The following TNN variants were observed in gnomAD, a reference collection of about 807,000 sequenced individuals.
The protein encoded by TNN is tenascin-N.
A neutral mutation model predicts 134.4 loss-of-function variants in TNN; 122 were observed. The ratio of observed to expected loss-of-function variants is 0.91; its 90% CI spans 0.78 to 1.06. The LOEUF is 1.06. Among genes scored for constraint, TNN ranks in the 50% least tolerant of loss-of-function variants. TNN has a pLI of 0.00. For missense variants in TNN, 1,739 were observed against 1,699.4 expected (o/e 1.02, Z -0.41); for synonymous variants, 710 against 670.3 (o/e 1.06, Z -0.91).
At chr1:175,135,557 C>G (rs74126915) in intron 15 of TNN, among the ~76,000 whole-genome samples, 9,349 of 152,290 alleles carry the variant, frequency 0.061, 551 homozygotes, top group African/African-American at 0.15. Flanking sequence ...AGACAACCCA[C>G]ACTAGCAACT....
At chr1:175,090,546 T>C (rs79288870) in intron 6 of TNN, among the ~76,000 whole-genome samples, 4,989 of 152,156 alleles carry the variant, frequency 0.033, 110 homozygotes, top group Middle Eastern at 0.095. Context: ...CAGGTGGAAA[T>C]TGTGAGTGGA....
At chr1:175,131,917 T>TACACACAC (rs3028571) in intron 15 of TNN, among the ~76,000 whole-genome samples, 16,980 of 136,206 alleles carry the variant, frequency 0.12, 1,147 homozygotes, top group Non-Finnish European at 0.13. Flanking sequence ...GAAGTATTAT[T>TACACACAC]ACACACACAC....
At chr1:175,102,673 C>T (rs950634195) in intron 9 of TNN, among the ~76,000 whole-genome samples, 3 of 145,914 alleles carry the variant, frequency 2.1e-5, no homozygotes, top group African/African-American at 2.5e-5. Flanking sequence ...GGTTCCCACT[C>T]GCGCCTCTCC....
At chr1:175,097,341 TTGAC>T in intron 7 of TNN, 72 bp from the exon 8 acceptor site, 1 of 1,565,082 alleles carries the variant, frequency 6.4e-7, no homozygotes, top group Non-Finnish European at 8.7e-7. Flanking sequence ...GGTTATCACT[TTGAC>T]TGTGTTCGTG....
intron 6 of TNN, among the ~76,000 whole-genome samples, chr1:175,091,699 G>A (rs984935768): frequency 2.0e-5 from 3 of 151,516 alleles, no homozygotes; most frequent in African/African-American, 7.3e-5. Flanking sequence ...AGCCATTCTC[G>A]TGCCTCAGCC....
Position 175,067,947 on chromosome 1 carries a change from A to T in TNN, c.-36+12A>T, listed in dbSNP as rs764294566. On this transcript the variant is annotated intron_variant, in intron 1 of 18. Coordinates refer to ENST00000239462, the MANE Select transcript of TNN (RefSeq NM_022093.2). ...CAGCAGCCTCCCAGGTAAGAGTGCC[A>T]GTTGCCCAAGCTTTACTTACTGGAG... 1 of 470,250 alleles carries T rather than the reference A, an allele frequency of 2.1e-6. No individual in the cohort carries two copies. 29.1% of individuals were successfully genotyped at this position (470,250 alleles called of 1,614,324 possible).
At chr1:175,134,489 A>G (rs985351518) in intron 15 of TNN, among the ~76,000 whole-genome samples, 46 of 151,434 alleles carry the variant, frequency 3.0e-4, no homozygotes, top group African/African-American at 1.1e-3. Flanking sequence ...AGGTTGCAGT[A>G]AGCCAAGATC....
chr1:175,115,864 ATCT>A (rs1675153622), intron 9 of TNN, among the ~76,000 whole-genome samples: 1 of 152,048 alleles, frequency 6.6e-6, no homozygotes, highest in South Asian at 2.1e-4. Context: ...GGCTACTGGG[ATCT>A]TCTTGCTTAC....
intron 1 of TNN, among the ~76,000 whole-genome samples, chr1:175,073,189 C>G (rs1298940704): frequency 1.3e-5 from 2 of 152,054 alleles, no homozygotes; most frequent in African/African-American, 4.8e-5. Flanking sequence ...ATTAGTGGCT[C>G]CATTGCTGGA....
chr1:175,145,180 A>G (rs1216339090), intron 18 of TNN, among the ~76,000 whole-genome samples: 1 of 152,090 alleles, frequency 6.6e-6, no homozygotes, highest in African/African-American at 2.4e-5. Flanking sequence ...GCTTTACTAC[A>G]TGAATTTTGA....
chr1:175,074,002 TG>T (rs1673978643), intron 1 of TNN, among the ~76,000 whole-genome samples: 1 of 152,170 alleles, frequency 6.6e-6, no homozygotes, highest in Non-Finnish European at 1.5e-5. Context: ...CGCCAAAGTC[TG>T]AGTTTCAGTC....
chr1:175,144,284 C>G, intron 17 of TNN, 103 bp from the exon 18 acceptor site: 1 of 1,116,220 alleles, frequency 9.0e-7, no homozygotes, highest in Non-Finnish European at 1.3e-6. Flanking sequence ...CTGGCTGCAT[C>G]TTTGGCATTT....
chr1:175,070,524 T>A (rs1673890632), intron 1 of TNN, among the ~76,000 whole-genome samples: 1 of 152,108 alleles, frequency 6.6e-6, no homozygotes, highest in African/African-American at 2.4e-5. Context: ...CCCACAGAAC[T>A]AGGAGAATGG....
intron 16 of TNN, among the ~76,000 whole-genome samples, chr1:175,136,566 G>A (rs1289584300): frequency 1.3e-5 from 2 of 152,120 alleles, no homozygotes; most frequent in Non-Finnish European, 2.9e-5. Context: ...GTTTTAGAAG[G>A]ATGGAGCCAA....
At chr1:175,076,130 T>C (rs2149425738) in intron 1 of TNN, among the ~76,000 whole-genome samples, 1 of 152,182 alleles carries the variant, frequency 6.6e-6, no homozygotes, top group Non-Finnish European at 1.5e-5. Context: ...CCTCAGCTTG[T>C]TAGTGTGCAA....
intron 4 of TNN, among the ~76,000 whole-genome samples, chr1:175,083,157 A>G (rs1444861611): frequency 6.6e-6 from 1 of 152,214 alleles, no homozygotes; most frequent in African/African-American, 2.4e-5. Flanking sequence ...GTACACTCAG[A>G]TGGACCAAGT....
In TNN at chr1:175,106,085, C is replaced by G. The variant is rs1455206969; in HGVS notation, c.2119+7490C>G. On this transcript the variant is annotated intron_variant, in intron 9 of 18. Coordinates refer to ENST00000239462, the MANE Select transcript of TNN (RefSeq NM_022093.2). ...CTGACGCATTCTCGAAAACCTGCAC[C>G]CTTGCCTGTCCTCCTAGACCACAAG... Among the ~76,000 whole-genome samples the G allele has an allele frequency of 2.1e-5, 3 of 145,326 alleles. 1 individual carries two copies. Among genetic ancestry groups the G allele is most frequent in the Non-Finnish European group, 4.6e-5 (3 of 65,448 alleles).
chr1:175,079,503 G>T lies in TNN; in HGVS notation c.580G>T (p.Gly194Cys). Residue 194 changes from glycine to cysteine, a missense_variant, in exon 3 of 19, where the codon GGT becomes TGT. By Grantham distance (159) the Gly-to-Cys change is radical. Transcript: ENST00000239462. ...GRCLCHEPYV[G>C]ADCGYPACPE... is the part of the protein sequence containing the mutation. ...CTGCCTGTGCCATGAGCCCTACGTG[G>T]GTGCCGACTGCGGCTACCCGGCCTG... 2 of 1,562,142 alleles carry T rather than the reference G, an allele frequency of 1.3e-6. No individual in the cohort carries two copies. The highest frequency in any genetic ancestry group is 1.4e-5 in the African/African-American group (1 of 73,654).
At position 175,080,163 on chromosome 1, in the gene TNN, T is replaced by G. The variant is rs1574141180; in HGVS notation, c.785T>G (p.Val262Gly). The G allele has an allele frequency of 6.2e-7, 1 of 1,613,464 alleles. No homozygotes were observed. The highest frequency in any genetic ancestry group is 8.5e-7 in the Non-Finnish European group (1 of 1,179,892). The change falls in exon 4 of 19, where the codon GTG becomes GGG. Residue 262 changes from valine to glycine, a missense_variant and splice_region_variant. Coordinates refer to ENST00000239462, the MANE Select transcript of TNN (RefSeq NM_022093.2). ...TGCCCTGTTCCTGTTCTGCCTGCAG[T>G]GGTCACCCCACAGGGCCTGCAGCTG... ...EGFTGLDCAQ[V>G]VTPQGLQLLK...
Sources: gnomAD v4.1 joint callset for allele counts (sites outside exome capture counted in the v4.1 genomes callset) on GRCh38, gnomAD v4.1.1 for gene constraint, MANE v1.5 for transcripts, NCBI Gene and HGNC (gene_info 2026-07-23, HGNC 2026-07-21) for gene names.